RAB1A: variants seen among roughly 807,000 people sequenced by gnomAD.
RAB1A encodes the protein ras-related protein Rab-1A.
In RAB1A, 2 loss-of-function variants were observed where a neutral mutation model predicts 26.0. The ratio of observed to expected loss-of-function variants is 0.08; its 90% CI spans 0.03 to 0.24. The LOEUF (loss-of-function observed/expected upper bound fraction) is 0.24. Ranked by LOEUF, RAB1A falls within the 10% of genes least tolerant of loss-of-function variation. The pLI is 1.00. For synonymous variants in RAB1A, 84 were observed against 84.9 expected (o/e 0.99, Z 0.06); for missense variants, 100 against 247.0 (o/e 0.40, Z 3.99).
At chr2:65,110,776 AT>A (rs933483034) in intron 1 of RAB1A, among the ~76,000 whole-genome samples, 1 of 151,572 alleles carries the variant, frequency 6.6e-6, no homozygotes, top group Non-Finnish European at 1.5e-5. Context: ...CTCTAAAAAT[AT>A]TTTTTTTAAT....
intron 2 of RAB1A, among the ~76,000 whole-genome samples, chr2:65,102,731 G>C (rs1669460746): frequency 6.6e-6 from 1 of 151,462 alleles, no homozygotes. Flanking sequence ...TTCGAGACCA[G>C]CCTGGCCAAC....
intron 1 of RAB1A, among the ~76,000 whole-genome samples, chr2:65,111,476 A>C (rs1669692713): frequency 6.6e-6 from 1 of 152,218 alleles, no homozygotes; most frequent in South Asian, 2.1e-4. Context: ...AAAGAAGGAA[A>C]GACTGAGAAA....
At position 65,086,980 on chromosome 2, in the gene RAB1A, G is replaced by GA. The variant is rs1372848393; in HGVS notation, c.*1512dup. The GA allele has an allele frequency of 6.6e-6, 1 of 152,332 alleles. No homozygotes were observed. The highest frequency in any genetic ancestry group is 1.5e-5 in the Non-Finnish European group (1 of 68,018). The allele number at this position is 152,332 out of a possible 1,614,324, so 9.4% of individuals were successfully genotyped here. A position where few individuals can be genotyped will look rare whatever the true frequency, so the allele number is the denominator to read the frequency against. Reference sequence around the variant, plus strand: ...CATGTATTTCAATTGCCTGTTTAGTGAAAAATAAAAATTAAAAAAACCTAT... The same window carrying GA: ...CATGTATTTCAATTGCCTGTTTAGTGAAAAAATAAAAATTAAAAAAACCTAT... On this transcript the variant is annotated 3_prime_UTR_variant, in exon 6 of 6. Transcript: ENST00000409784.
At chr2:65,120,383 G>C (rs1276960068) in intron 1 of RAB1A, among the ~76,000 whole-genome samples, 1 of 149,908 alleles carries the variant, frequency 6.7e-6, no homozygotes, top group Admixed American at 6.7e-5. Flanking sequence ...TTGAACCTGG[G>C]AGGTGGAGGT....
intron 5 of RAB1A, 74 bp downstream of exon 5, chr2:65,088,865 C>G: frequency 6.8e-7 from 1 of 1,462,042 alleles, no homozygotes; most frequent in South Asian, 1.3e-5. Flanking sequence ...AGGCTGTGGC[C>G]TTACTGTTAC....
At chr2:65,117,551 T>C (rs903834376) in intron 1 of RAB1A, among the ~76,000 whole-genome samples, 6 of 152,084 alleles carry the variant, frequency 3.9e-5, no homozygotes, top group Non-Finnish European at 7.4e-5. Context: ...GCCTAATTAC[T>C]TGACTAAAAT....
intron 1 of RAB1A, chr2:65,105,035 C>T (rs1669521416): frequency 1.6e-6 from 1 of 614,758 alleles, no homozygotes; most frequent in South Asian, 1.7e-5. Context: ...TGATCTCTAA[C>T]ATCAGTGAAC....
intron 1 of RAB1A, among the ~76,000 whole-genome samples, chr2:65,108,370 AAG>A (rs1463603775): frequency 1.5e-4 from 22 of 151,090 alleles, no homozygotes; most frequent in African/African-American, 5.4e-4. Context: ...AAAAAAAAAA[AAG>A]AAAGAAAGAA....
intron 2 of RAB1A, 65 bp downstream of exon 2, chr2:65,104,669 A>T: frequency 8.4e-7 from 1 of 1,190,788 alleles, no homozygotes; most frequent in Non-Finnish European, 1.2e-6. Context: ...AATTTTATCT[A>T]CCTAGAAAAC....
chr2:65,106,501 T>G lies in RAB1A; in HGVS notation c.24-1695A>C, dbSNP rs367793223. 3.8e-5 allele frequency: 8 copies of G among 211,904 alleles called. No homozygotes were observed. In the East Asian group the frequency reaches 1.1e-3, roughly 29 times the overall value. The allele number at this position is 211,904 out of a possible 1,614,324, so 13.1% of individuals were successfully genotyped here. On this transcript the variant is annotated intron_variant, in intron 1 of 5. Coordinates refer to ENST00000409784, the MANE Select transcript of RAB1A (RefSeq NM_004161.5). The stretch of plus-strand genomic sequence containing the variant: ...ACTATTACGTAGGTTTACATAATGA[T>G]ATGCATTACTTAAAACATTGTTTGG...
chr2:65,105,053 TAAAA>T, intron 1 of RAB1A: 1 of 579,880 alleles, frequency 1.7e-6, no homozygotes, highest in Non-Finnish European at 3.1e-6. Flanking sequence ...AACTTCCACT[TAAAA>T]AGAAAGAAGG....
chr2:65,088,862 G>A, intron 5 of RAB1A, 77 bp downstream of exon 5: 3 of 1,435,652 alleles, frequency 2.1e-6, no homozygotes, highest in South Asian at 2.7e-5. Context: ...AAAAGGCTGT[G>A]GCCTTACTGT....
At chr2:65,091,844 G>T (rs909087667) in intron 3 of RAB1A, among the ~76,000 whole-genome samples, 1 of 151,970 alleles carries the variant, frequency 6.6e-6, no homozygotes, top group East Asian at 1.9e-4. Context: ...CTTCATCCTA[G>T]AGAAAAAAAT....
chr2:65,120,455 C>CAAAAAAA (rs67617654), intron 1 of RAB1A, among the ~76,000 whole-genome samples: 1 of 56,638 alleles, frequency 1.8e-5, no homozygotes, highest in Non-Finnish European at 3.8e-5. Context: ...CACCTTGTCT[C>CAAAAAAA]AAAAAAAAAA....
intron 2 of RAB1A, 89 bp from the exon 3 acceptor site, chr2:65,098,155 G>T: frequency 1.4e-6 from 1 of 701,584 alleles, no homozygotes; most frequent in Non-Finnish European, 2.2e-6. Flanking sequence ...TTGTTCAAGA[G>T]TAAATAAAAA....
intron 1 of RAB1A, among the ~76,000 whole-genome samples, chr2:65,109,806 A>G (rs1182254525): frequency 6.6e-6 from 1 of 151,984 alleles, no homozygotes. Flanking sequence ...CACTGTTTCC[A>G]GTTCAGAACT....
At position 65,110,438 on chromosome 2, in the gene RAB1A, C is replaced by CAA. The variant is rs1221473890; in HGVS notation, c.24-5634_24-5633dup. On this transcript the variant is annotated intron_variant, in intron 1 of 5. Transcript: ENST00000409784. ...CCTGGGCAGCAGAGCGAGACCGTCT[C>CAA]AAAAAAAAAAAAAAAAATGGCCAAG... 5.8e-3 allele frequency among the ~76,000 whole-genome samples: 631 copies of CAA among 109,704 alleles called. 8 individuals carry two copies. The highest frequency in any genetic ancestry group is 0.035 in the East Asian group (139 of 4,002). 72.0% of individuals were successfully genotyped at this position (109,704 alleles called of 152,430 possible). A position where few individuals can be genotyped will look rare whatever the true frequency, so the allele number is the denominator to read the frequency against.
intron 1 of RAB1A, among the ~76,000 whole-genome samples, chr2:65,111,853 G>A (rs2103861823): frequency 6.6e-6 from 1 of 152,240 alleles, no homozygotes; most frequent in South Asian, 2.1e-4. Context: ...GGAGGCCCAG[G>A]CAGGTGGATC....
intron 1 of RAB1A, among the ~76,000 whole-genome samples, chr2:65,114,865 A>AAC (rs1553394347): frequency 2.1e-4 from 3 of 14,472 alleles, no homozygotes; most frequent in Non-Finnish European, 1.0e-3. Context: ...AAAAAAAAAC[A>AAC]AAAAAAAAAC....
Sources: allele counts gnomAD v4.1 joint callset (sites outside exome capture counted in the v4.1 genomes callset), GRCh38; gene constraint gnomAD v4.1.1; transcripts MANE v1.5; gene names NCBI Gene and HGNC (gene_info 2026-07-23, HGNC 2026-07-21).